Variants in ITGA1 observed in about 807,000 individuals in gnomAD.
ITGA1 encodes the protein integrin alpha-1.
ITGA1 carries 85 observed loss-of-function variants against 145.9 expected under a neutral mutation model. That is an observed-to-expected ratio of 0.58 (90% CI 0.49 to 0.70). The LOEUF is 0.70. ITGA1 is among the 30% of genes least tolerant of loss of function. The probability of loss-of-function intolerance (pLI) is 0.00; values close to 1 mark genes in which losing one functional copy is unlikely to be tolerated. For missense variants in ITGA1, 1,351 were observed against 1,418.7 expected (o/e 0.95, Z 0.77); for synonymous variants, 520 against 495.3 (o/e 1.05, Z -0.66).
intron 2 of ITGA1, among the ~76,000 whole-genome samples, chr5:52,860,398 T>C (rs946164373): frequency 6.6e-6 from 1 of 151,838 alleles, no homozygotes; most frequent in Non-Finnish European, 1.5e-5. Context: ...ATACAAAAAT[T>C]AGTCGGGCGT....
intron 1 of ITGA1, among the ~76,000 whole-genome samples, chr5:52,829,241 A>G (rs888825534): frequency 6.6e-6 from 1 of 152,166 alleles, no homozygotes; most frequent in Non-Finnish European, 1.5e-5. Flanking sequence ...AAACAATTTT[A>G]CTGGTCAGAT....
At chr5:52,911,417 C>T (rs1346402618) in intron 14 of ITGA1, among the ~76,000 whole-genome samples, 11 of 128,404 alleles carry the variant, frequency 8.6e-5, no homozygotes, top group Non-Finnish European at 9.5e-5. Context: ...AGTGTATATA[C>T]ACTATATAGA....
chr5:52,881,240 G>T (rs1231775239), intron 6 of ITGA1, among the ~76,000 whole-genome samples: 1 of 152,138 alleles, frequency 6.6e-6, no homozygotes, highest in Non-Finnish European at 1.5e-5. Context: ...GCTTCATGGT[G>T]CCCTCTTCTT....
intron 11 of ITGA1, among the ~76,000 whole-genome samples, chr5:52,901,273 A>G (rs1750310121): frequency 6.6e-6 from 1 of 152,148 alleles, no homozygotes; most frequent in Admixed American, 6.6e-5. Context: ...AAGAAAACCG[A>G]TTCTCCTTGA....
chr5:52,834,813 A>T (rs1176960866), intron 1 of ITGA1, among the ~76,000 whole-genome samples: 1 of 152,124 alleles, frequency 6.6e-6, no homozygotes, highest in East Asian at 1.9e-4. Flanking sequence ...GATTTCATTT[A>T]ACCTTAATTA....
intron 6 of ITGA1, among the ~76,000 whole-genome samples, chr5:52,881,014 A>ACTGCAGAAG (rs1287338842): frequency 6.6e-6 from 1 of 152,194 alleles, no homozygotes; most frequent in Admixed American, 6.5e-5. Flanking sequence ...CCTGTATTTC[A>ACTGCAGAAG]CTGCATGAAG....
intron 6 of ITGA1, among the ~76,000 whole-genome samples, chr5:52,875,269 G>A (rs1273052931): frequency 6.6e-6 from 1 of 151,866 alleles, no homozygotes; most frequent in Non-Finnish European, 1.5e-5. Flanking sequence ...ACATACAAAG[G>A]GATGCTAGTA....
intron 4 of ITGA1, 58 bp from the exon 5 acceptor site, chr5:52,864,913 A>G: frequency 6.4e-7 from 1 of 1,556,068 alleles, no homozygotes; most frequent in Non-Finnish European, 8.8e-7. Flanking sequence ...AGTCTTTGTA[A>G]GATCTGTTAT....
chr5:52,865,217 T>C (rs1749668629), intron 5 of ITGA1, 135 bp downstream of exon 5: 7 of 630,696 alleles, frequency 1.1e-5, no homozygotes, highest in Non-Finnish European at 1.9e-5. Context: ...GGTAAATGTT[T>C]GCTTTGCCAG....
At chr5:52,800,345 G>A (rs1226343426) in intron 1 of ITGA1, 3 of 1,604,784 alleles carry the variant, frequency 1.9e-6, no homozygotes, top group Admixed American at 1.7e-5. Flanking sequence ...GGGCGGAGGT[G>A]AGGACCTCCT....
chr5:52,880,729 C>T (rs1486223152), intron 6 of ITGA1, among the ~76,000 whole-genome samples: 1 of 152,202 alleles, frequency 6.6e-6, no homozygotes, highest in Non-Finnish European at 1.5e-5. Flanking sequence ...AAATTACCTC[C>T]CTTACCCAAG....
chr5:52,854,010 A>T (rs1749469292), intron 2 of ITGA1, among the ~76,000 whole-genome samples: 1 of 152,106 alleles, frequency 6.6e-6, no homozygotes, highest in Admixed American at 6.6e-5. Context: ...GCTTTGCTTC[A>T]TTCCTTCCAG....
chr5:52,831,175 T>C (rs1749055895), intron 1 of ITGA1, among the ~76,000 whole-genome samples: 1 of 152,014 alleles, frequency 6.6e-6, no homozygotes, highest in African/African-American at 2.4e-5. Flanking sequence ...CTCTGTTGCC[T>C]AGACTGATGG....
chr5:52,937,114 C>A (rs368617153), intron 23 of ITGA1, among the ~76,000 whole-genome samples: 3 of 150,576 alleles, frequency 2.0e-5, no homozygotes, highest in Admixed American at 6.6e-5. Context: ...CAGACAAAAA[C>A]TTCCAATTCT....
At chr5:52,944,859 T>G in intron 26 of ITGA1, 84 bp from the exon 27 acceptor site, 1 of 921,552 alleles carries the variant, frequency 1.1e-6, no homozygotes, top group African/African-American at 1.7e-5. Flanking sequence ...AAATCTTAGC[T>G]TTTATAAATG....
Position 52,893,799 on chromosome 5 carries a change from C to T in ITGA1, c.1049C>T (p.Thr350Ile), listed in dbSNP as rs762437475. The change falls in exon 9 of 29, where the codon ACC (threonine) becomes ATC (isoleucine). Residue 350 changes from threonine to isoleucine, a missense_variant. Coordinates refer to ENST00000282588, the MANE Select transcript of ITGA1 (RefSeq NM_181501.2). The part of the protein sequence containing the change: ...FNVSDELALV[T>I]IVKTLGERIF... ...GTCTCTGATGAATTGGCTCTAGTCA[C>T]CATTGTTAAAACTCTGGGAGAAAGA... The T allele has an allele frequency of 1.2e-6, 2 of 1,612,334 alleles. No homozygotes were observed. Among genetic ancestry groups the T allele is most frequent in the African/African-American group, 2.7e-5 (2 of 74,842 alleles).
At chr5:52,800,228 C>A in intron 1 of ITGA1, 1 of 653,890 alleles carries the variant, frequency 1.5e-6, no homozygotes. Context: ...GAAGTGCTGC[C>A]CTAGGCTGCA....
rs566000051 is a variant in ITGA1 at position 52,935,859 on chromosome 5, T to C, written c.2965-1542T>C. Among the ~76,000 whole-genome samples, 103 of 142,842 alleles carry C rather than the reference T, an allele frequency of 7.2e-4. 1 individual carries two copies. Among genetic ancestry groups the C allele is most frequent in the African/African-American group, 2.6e-3 (99 of 37,986 alleles). The allele number at this position is 142,842 out of a possible 152,430, so 93.7% of individuals were successfully genotyped here. A position where few individuals can be genotyped will look rare whatever the true frequency, so the allele number is the denominator to read the frequency against. On this transcript the variant is annotated intron_variant, in intron 23 of 28. Transcript: ENST00000282588. ...CTACACTAAAATGTTACCAAGGTAG[T>C]TGAAGTATAGGAAACGTTTATTTTC...
intron 6 of ITGA1, among the ~76,000 whole-genome samples, chr5:52,866,532 A>G (rs568530166): frequency 6.6e-6 from 1 of 152,302 alleles, no homozygotes; most frequent in East Asian, 1.9e-4. Flanking sequence ...CTCCTCTCAT[A>G]TTATACAAAT....
Sources: gnomAD v4.1 joint callset for allele counts (sites outside exome capture counted in the v4.1 genomes callset) on GRCh38, gnomAD v4.1.1 for gene constraint, MANE v1.5 for transcripts, NCBI Gene and HGNC (gene_info 2026-07-23, HGNC 2026-07-21) for gene names.